The following SRCIN1 variants were observed in gnomAD, a reference collection of about 807,000 sequenced individuals.
The protein encoded by SRCIN1 is P130Cas-associated protein.
In SRCIN1, 50 loss-of-function variants were observed where a neutral mutation model predicts 116.2. The observed-to-expected ratio is 0.43, with a 90% CI of 0.34 to 0.54. SRCIN1 has a LOEUF of 0.54. Among genes scored for constraint, SRCIN1 ranks in the 20% least tolerant of loss-of-function variants. SRCIN1 has a pLI of 0.02. For synonymous variants in SRCIN1, 736 were observed against 750.0 expected (o/e 0.98, Z 0.30); for missense variants, 1,446 against 1,672.0 (o/e 0.86, Z 2.36).
chr17:38,570,469 A>G (rs925766814), intron 2 of SRCIN1, among the ~76,000 whole-genome samples: 4 of 152,192 alleles, frequency 2.6e-5, no homozygotes, highest in African/African-American at 9.6e-5. Flanking sequence ...AGAGCCACCT[A>G]CGTACAAAGA....
Position 38,572,404 on chromosome 17 carries a change from C to T in SRCIN1, c.325-4173G>A, listed in dbSNP as rs1194127607. Reference sequence around the variant, plus strand: ...CTGTGGGACGCTGGGGAAGAGGGCGCACCCCGGGAAGGTCATGACTTTCCG... The same window carrying T: ...CTGTGGGACGCTGGGGAAGAGGGCGTACCCCGGGAAGGTCATGACTTTCCG... On this transcript the variant is annotated intron_variant, in intron 2 of 18. Coordinates refer to ENST00000617146, the MANE Select transcript of SRCIN1 (RefSeq NM_025248.3). The surrounding 1 kb of genome is among the most constrained non-coding windows in gnomAD (Gnocchi z 4.3). Among the ~76,000 whole-genome samples, 1 of 152,112 alleles carries T rather than the reference C, an allele frequency of 6.6e-6. No individual in the cohort carries two copies. Among genetic ancestry groups the T allele is most frequent in the Non-Finnish European group, 1.5e-5 (1 of 67,990 alleles).
chr17:38,578,441 G>C, intron 2 of SRCIN1, 49 bp downstream of exon 2: 2 of 1,498,982 alleles, frequency 1.3e-6, no homozygotes, highest in Non-Finnish European at 1.8e-6. Flanking sequence ...CTCCTCCCCT[G>C]CCCGCTGGCC....
chr17:38,579,263 C>T (rs528441189), intron 1 of SRCIN1, among the ~76,000 whole-genome samples: 5 of 152,276 alleles, frequency 3.3e-5, no homozygotes, highest in African/African-American at 4.8e-5. Flanking sequence ...AGGTTGGGGG[C>T]GGGGAGCCCT....
At chr17:38,553,651 T>C (rs983873077) in intron 11 of SRCIN1, among the ~76,000 whole-genome samples, 2 of 152,162 alleles carry the variant, frequency 1.3e-5, no homozygotes, top group African/African-American at 4.8e-5. Context: ...CTTGTGTCAT[T>C]TGAGACCCTA....
In SRCIN1 at chr17:38,531,385, GTTTTCTTTTTT is replaced by G. The variant is rs1297285006; in HGVS notation, c.*1901_*1911del. ...AACAGTGGCCAGGGAGAGTGCCGTG[GTTTTCTTTTTT>G]TTTTCTTTTTTAAATATTTATATAT... On this transcript the variant is annotated 3_prime_UTR_variant, in exon 19 of 19. Coordinates refer to ENST00000617146, the MANE Select transcript of SRCIN1 (RefSeq NM_025248.3). 6.8e-6 allele frequency: 1 copy of G among 147,124 alleles called. No homozygotes were observed. The highest frequency in any genetic ancestry group is 1.5e-5 in the Non-Finnish European group (1 of 66,628). The allele number at this position is 147,124 out of a possible 1,614,324, so 9.1% of individuals were successfully genotyped here.
chr17:38,559,448 C>A, intron 10 of SRCIN1, 137 bp downstream of exon 10: 1 of 867,846 alleles, frequency 1.2e-6, no homozygotes, highest in Non-Finnish European at 1.7e-6. Flanking sequence ...CGGAGAGAGG[C>A]CAGTGAGCGG....
intron 2 of SRCIN1, among the ~76,000 whole-genome samples, chr17:38,574,496 A>G (rs1907282467): frequency 6.6e-6 from 1 of 152,174 alleles, no homozygotes; most frequent in East Asian, 1.9e-4. Context: ...ATCTGCTCAG[A>G]AACGGAAGGG....
chr17:38,578,031 C>G (rs1026993884), intron 2 of SRCIN1, among the ~76,000 whole-genome samples: 1 of 152,142 alleles, frequency 6.6e-6, no homozygotes, highest in Non-Finnish European at 1.5e-5. Context: ...CGGACCCAGC[C>G]TACTGAGGCT....
rs1206449444 is a variant in SRCIN1, at chr17:38,543,805, C to T, written c.3417+18G>A. On this transcript the variant is annotated intron_variant, in intron 18 of 18. Coordinates refer to ENST00000617146, the MANE Select transcript of SRCIN1 (RefSeq NM_025248.3). Reference sequence around the variant, plus strand: ...CAGCAGAGTGGGCCTGGGTGGCCCCCACAGTCCCCGCCCTCACCTGCTGCT... The same window carrying T: ...CAGCAGAGTGGGCCTGGGTGGCCCCTACAGTCCCCGCCCTCACCTGCTGCT... 1.2e-6 allele frequency: 2 copies of T among 1,601,276 alleles called. No individual in the cohort carries two copies. Among genetic ancestry groups the T allele is most frequent in the Non-Finnish European group, 1.7e-6 (2 of 1,178,446 alleles).
At chr17:38,561,258 G>A (rs1159628246) in intron 7 of SRCIN1, among the ~76,000 whole-genome samples, 1 of 152,138 alleles carries the variant, frequency 6.6e-6, no homozygotes, top group African/African-American at 2.4e-5. Flanking sequence ...TCTTGCGGAT[G>A]GGAGGAAAAT....
chr17:38,543,793 C>G (rs767011713), intron 18 of SRCIN1, 30 bp downstream of exon 18: 6 of 1,597,706 alleles, frequency 3.8e-6, no homozygotes, highest in African/African-American at 2.7e-5. Flanking sequence ...CAGAGTGGGC[C>G]TGGGTGGCCC....
At chr17:38,575,693 C>T (rs186454886) in intron 2 of SRCIN1, among the ~76,000 whole-genome samples, 202 of 152,256 alleles carry the variant, frequency 1.3e-3, no homozygotes, top group Middle Eastern at 3.4e-3. Context: ...GGAGAAGCCT[C>T]CCCCCAGTTG....
intron 14 of SRCIN1, 35 bp from the exon 15 acceptor site, chr17:38,551,424 C>A (rs1390858948): frequency 3.2e-6 from 5 of 1,549,228 alleles, no homozygotes; most frequent in Middle Eastern, 1.7e-4. Context: ...ATTGAGGTAG[C>A]TCTCCTGCTC....
chr17:38,593,544 A>T (rs940761762), intron 1 of SRCIN1, among the ~76,000 whole-genome samples: 1 of 152,140 alleles, frequency 6.6e-6, no homozygotes, highest in East Asian at 1.9e-4. Flanking sequence ...TTAACCCCTC[A>T]GGTCTGTCGT....
rs1907147489 is a variant in SRCIN1 at position 38,572,476 on chromosome 17, C to T, written c.325-4245G>A. Reference sequence around the variant, plus strand: ...GCCTGATTTTGGAGTGGGGGCCGGCCCACGCCGAAGGCACCTAATGCGGTG... The same window carrying T: ...GCCTGATTTTGGAGTGGGGGCCGGCTCACGCCGAAGGCACCTAATGCGGTG... On this transcript the variant is annotated intron_variant, in intron 2 of 18. Coordinates refer to ENST00000617146, the MANE Select transcript of SRCIN1 (RefSeq NM_025248.3). The surrounding 1 kb of genome is among the most constrained non-coding windows in gnomAD (Gnocchi z 4.3). Among the ~76,000 whole-genome samples, 1 of 152,072 alleles carries T rather than the reference C, an allele frequency of 6.6e-6. No individual in the cohort carries two copies. Among genetic ancestry groups the T allele is most frequent in the Non-Finnish European group, 1.5e-5 (1 of 67,990 alleles).
Position 38,564,106 on chromosome 17 carries a change from G to A in SRCIN1, c.541+12C>T, listed in dbSNP as rs909466833. 13 of 1,591,100 alleles carry A rather than the reference G, an allele frequency of 8.2e-6. No homozygotes were observed. The highest frequency in any genetic ancestry group is 1.1e-5 in the South Asian group (1 of 87,234). Reference sequence around the variant, plus strand: ...CTGTGTGGGGAGGGAGGGTGGACTGGGCGGGCAGTACCTGGGGAGCGCAGC... The same window carrying A: ...CTGTGTGGGGAGGGAGGGTGGACTGAGCGGGCAGTACCTGGGGAGCGCAGC... On this transcript the variant is annotated intron_variant, in intron 4 of 18. Transcript: ENST00000617146.
At chr17:38,605,974 G>A (rs1229579497), upstream of SRCIN1, 2 of 144,478 alleles carry the variant, frequency 1.4e-5, no homozygotes, top group Non-Finnish European at 3.1e-5. Flanking sequence ...GGCCGGCGCG[G>A]GTGTGTCACT....
In SRCIN1 at chr17:38,563,633, G is replaced by A. The variant is rs1906450993; in HGVS notation, c.542-112C>T. ...CCAGCCCCGCAGCGGCAGGGTCTGA[G>A]GCTAGACGCCGCCCCCGAGTGCAGA... is the stretch of plus-strand genomic sequence containing the variant. On this transcript the variant is annotated intron_variant, in intron 4 of 18. Coordinates refer to ENST00000617146, the MANE Select transcript of SRCIN1 (RefSeq NM_025248.3). The surrounding 1 kb of genome is among the most constrained non-coding windows in gnomAD (Gnocchi z 5.8). The A allele has an allele frequency of 7.1e-7, 1 of 1,411,744 alleles. No homozygotes were observed. Among genetic ancestry groups the A allele is most frequent in the African/African-American group, 1.4e-5 (1 of 70,636 alleles). The allele number at this position is 1,411,744 out of a possible 1,614,324, so 87.5% of individuals were successfully genotyped here. A position where few individuals can be genotyped will look rare whatever the true frequency, so the allele number is the denominator to read the frequency against.
At chr17:38,538,914 A>G (rs990664239) in intron 18 of SRCIN1, among the ~76,000 whole-genome samples, 1 of 151,580 alleles carries the variant, frequency 6.6e-6, no homozygotes, top group African/African-American at 2.4e-5. Flanking sequence ...CAAACGGATA[A>G]CAGGCCCCAC....
Sources: gnomAD v4.1 joint callset for allele counts (sites outside exome capture counted in the v4.1 genomes callset) on GRCh38, gnomAD v4.1.1 for gene constraint, Gnocchi (gnomAD v3.1) non-coding constraint, MANE v1.5 for transcripts, NCBI Gene and HGNC (gene_info 2026-07-23, HGNC 2026-07-21) for gene names.